Variants in TNFSF4 observed in about 807,000 individuals in gnomAD.
The protein encoded by TNFSF4 is tumor necrosis factor ligand superfamily member 4.
A neutral mutation model predicts 7.3 loss-of-function variants in TNFSF4; 4 were observed. That is an observed-to-expected ratio of 0.55 (90% CI 0.27 to 1.25). TNFSF4 has a LOEUF of 1.25. Ranked by LOEUF, TNFSF4 falls within the 50% of genes most tolerant of loss-of-function variation. The pLI, the probability that TNFSF4 is intolerant of heterozygous loss-of-function variation, is 0.12. For synonymous variants in TNFSF4, 76 were observed against 83.7 expected (o/e 0.91, Z 0.50); for missense variants, 181 against 208.8 (o/e 0.87, Z 0.82).
the TNFSF4 span, chr1:173,363,049 G>C: frequency 5.5e-6 from 2 of 364,392 alleles, no homozygotes; most frequent in Non-Finnish European, 1.1e-5. Context: ...TTCTAGACCA[G>C]TCTGTAACTT....
In TNFSF4 at chr1:173,188,548, T is replaced by A; in HGVS notation, c.175A>T (p.Ile59Phe). 6.2e-7 allele frequency: 1 copy of A among 1,612,608 alleles called. No homozygotes were observed. The highest frequency in any genetic ancestry group is 8.5e-7 in the Non-Finnish European group (1 of 1,178,760). ...GTAAATTGTACTTTGATACTTTGAA[T>A]TCGAGGATACCGATGTGATACCTGA... Reference protein sequence around the residue: ...ALQVSHRYPRIQSIKVQFTEY... With the variant: ...ALQVSHRYPRFQSIKVQFTEY... Residue 59 changes from isoleucine to phenylalanine, a missense_variant, in exon 2 of 3, where the codon ATT (isoleucine) becomes TTT (phenylalanine). Physicochemically the swap from Ile to Phe is conservative, Grantham distance 21. Transcript: ENST00000281834.
chr1:173,178,200 G>A, the TNFSF4 span, among the ~76,000 whole-genome samples: 4 of 152,070 alleles, frequency 2.6e-5, no homozygotes, highest in Non-Finnish European at 5.9e-5. Flanking sequence ...TGTCTCTTTA[G>A]TTACTTTAGC....
rs1359839890 is a variant in TNFSF4 at position 173,185,566 on chromosome 1, A to G, written c.*950T>C. On this transcript the variant is annotated 3_prime_UTR_variant, in exon 3 of 3. Coordinates refer to ENST00000281834, the MANE Select transcript of TNFSF4 (RefSeq NM_003326.5). ...AACCAGCAATGTTTCTGTGTGTACA[A>G]GACATGGAGCTGAGTGCGTATCTCA... 6.6e-6 allele frequency: 1 copy of G among 152,326 alleles called. No individual in the cohort carries two copies. Among genetic ancestry groups the G allele is most frequent in the Admixed American group, 6.5e-5 (1 of 15,292 alleles). The allele number at this position is 152,326 out of a possible 1,614,324, so 9.4% of individuals were successfully genotyped here.
At chr1:173,310,362 C>A in the TNFSF4 span, among the ~76,000 whole-genome samples, 1 of 151,826 alleles carries the variant, frequency 6.6e-6, no homozygotes, top group Non-Finnish European at 1.5e-5. Flanking sequence ...TCATTTAATT[C>A]AAAACATTTG....
At chr1:173,267,358 A>G in the TNFSF4 span, among the ~76,000 whole-genome samples, 1 of 152,178 alleles carries the variant, frequency 6.6e-6, no homozygotes. Context: ...GATGAACAAA[A>G]CAAAAGGCCA....
chr1:173,322,141 A>G, the TNFSF4 span, among the ~76,000 whole-genome samples: 1 of 152,250 alleles, frequency 6.6e-6, no homozygotes, highest in African/African-American at 2.4e-5. Context: ...AGCCATAAAA[A>G]AGAATGAGAC....
the TNFSF4 span, among the ~76,000 whole-genome samples, chr1:173,373,667 T>C: frequency 4.6e-5 from 7 of 152,030 alleles, no homozygotes; most frequent in African/African-American, 1.2e-4. Flanking sequence ...CCTTGGTCCA[T>C]CATAAGGCCC....
chr1:173,415,829 T>C, the TNFSF4 span, among the ~76,000 whole-genome samples: 1 of 152,192 alleles, frequency 6.6e-6, no homozygotes, highest in African/African-American at 2.4e-5. Flanking sequence ...AGGAGCTGGG[T>C]TGAGGGCCTG....
the TNFSF4 span, among the ~76,000 whole-genome samples, chr1:173,293,503 ACT>A: frequency 6.6e-6 from 1 of 152,062 alleles, no homozygotes; most frequent in Admixed American, 6.6e-5. Context: ...AAGACCTGAA[ACT>A]CTAAAAATCC....
chr1:173,428,530 TAATTC>T, the TNFSF4 span, among the ~76,000 whole-genome samples: 1 of 152,258 alleles, frequency 6.6e-6, no homozygotes, highest in African/African-American at 2.4e-5. Context: ...ATTTTTATCT[TAATTC>T]AAACAAGCTG....
the TNFSF4 span, among the ~76,000 whole-genome samples, chr1:173,364,339 C>A: frequency 4.2e-5 from 6 of 143,976 alleles, no homozygotes; most frequent in African/African-American, 1.5e-4. Context: ...TATTTTTTAA[C>A]TTTAAATGGA....
chr1:173,215,384 A>G, the TNFSF4 span, among the ~76,000 whole-genome samples: 5 of 152,144 alleles, frequency 3.3e-5, no homozygotes, highest in Admixed American at 2.0e-4. Flanking sequence ...TGCTTCTTGA[A>G]GTTTCTCTAA....
At chr1:173,424,093 C>A in the TNFSF4 span, among the ~76,000 whole-genome samples, 43 of 152,318 alleles carry the variant, frequency 2.8e-4, no homozygotes, top group South Asian at 8.9e-3. Flanking sequence ...CTAATTCCAT[C>A]CAGGAAGGCT....
At chr1:173,298,136 G>A in the TNFSF4 span, among the ~76,000 whole-genome samples, 1 of 151,984 alleles carries the variant, frequency 6.6e-6, no homozygotes, top group Non-Finnish European at 1.5e-5. Context: ...AACAAAAAGA[G>A]AGAGCAATAA....
At chr1:173,191,094 A>C (rs1330619086) in intron 1 of TNFSF4, among the ~76,000 whole-genome samples, 3 of 152,240 alleles carry the variant, frequency 2.0e-5, no homozygotes, top group Admixed American at 1.3e-4. Context: ...CTGACTTTGC[A>C]AAGATCTCCA....
chr1:173,421,783 A>G, the TNFSF4 span, among the ~76,000 whole-genome samples: 1 of 152,226 alleles, frequency 6.6e-6, no homozygotes, highest in Non-Finnish European at 1.5e-5. Context: ...ACAACAGTCC[A>G]TCCCAATTTG....
the TNFSF4 span, among the ~76,000 whole-genome samples, chr1:173,394,889 C>T: frequency 1.4e-4 from 21 of 151,598 alleles, no homozygotes; most frequent in South Asian, 2.1e-4. Context: ...GCCAATTCCT[C>T]CCAATAAATC....
At chr1:173,394,476 C>G in the TNFSF4 span, among the ~76,000 whole-genome samples, 1 of 152,210 alleles carries the variant, frequency 6.6e-6, no homozygotes, top group Non-Finnish European at 1.5e-5. Context: ...CCCAGATATT[C>G]GGCTAAACAT....
chr1:173,228,553 C>A, the TNFSF4 span, among the ~76,000 whole-genome samples: 3 of 152,098 alleles, frequency 2.0e-5, no homozygotes, highest in East Asian at 5.8e-4. Flanking sequence ...CAGCTCCTCG[C>A]CAGCAATGGA....
Sources: gnomAD v4.1 joint callset for allele counts (sites outside exome capture counted in the v4.1 genomes callset) on GRCh38, gnomAD v4.1.1 for gene constraint, MANE v1.5 for transcripts, NCBI Gene and HGNC (gene_info 2026-07-23, HGNC 2026-07-21) for gene names.